Variants in ERG observed in about 807,000 individuals in gnomAD.
ERG encodes ETS transcription factor ERG, also known as transcriptional regulator ERG.
ERG carries 9 observed loss-of-function variants against 55.3 expected under a neutral mutation model. The observed-to-expected ratio is 0.16, with a 90% confidence interval of 0.10 to 0.28. The LOEUF (loss-of-function observed/expected upper bound fraction) is 0.28, where lower values mean the gene tolerates loss of function less well. ERG is among the 10% of genes least tolerant of loss of function. The pLI is 1.00. For synonymous variants in ERG, 223 were observed against 237.3 expected (o/e 0.94, Z 0.55); for missense variants, 434 against 631.6 (o/e 0.69, Z 3.35).
intron 2 of ERG, among the ~76,000 whole-genome samples, chr21:38,571,278 G>A (rs1219383180): frequency 2.6e-5 from 4 of 152,076 alleles, no homozygotes; most frequent in Non-Finnish European, 5.9e-5. Flanking sequence ...TTGGGAGGCT[G>A]AGGTGGGAGG....
At chr21:38,429,964 C>T (rs1046701770) in intron 2 of ERG, among the ~76,000 whole-genome samples, 2 of 152,138 alleles carry the variant, frequency 1.3e-5, no homozygotes, top group Non-Finnish European at 2.9e-5. Context: ...AGTGGTTGTA[C>T]TAGTTCCATA....
At chr21:38,459,804 T>C (rs1372116282) in intron 1 of ERG, among the ~76,000 whole-genome samples, 1 of 152,242 alleles carries the variant, frequency 6.6e-6, no homozygotes, top group African/African-American at 2.4e-5. Context: ...TGCTTCTAGA[T>C]TACATCCATG....
At chr21:38,487,147 G>GA (rs5843911) in intron 1 of ERG, among the ~76,000 whole-genome samples, 123,860 of 136,702 alleles carry the variant, frequency 0.91, 56,499 homozygotes, top group Non-Finnish European at 0.96. Flanking sequence ...CACTATCCTG[G>GA]AAAAAAAAAA....
chr21:38,437,937 C>A (rs187668834), intron 2 of ERG, among the ~76,000 whole-genome samples: 24 of 152,318 alleles, frequency 1.6e-4, no homozygotes, highest in African/African-American at 5.8e-4. Flanking sequence ...TGCCTCAAGT[C>A]CCCTAATGAT....
chr21:38,455,628 G>A (rs560247048), intron 1 of ERG, among the ~76,000 whole-genome samples: 9 of 152,016 alleles, frequency 5.9e-5, no homozygotes, highest in Non-Finnish European at 1.2e-4. Flanking sequence ...CATTGTTTTC[G>A]ATAAAATTCC....
At chr21:38,625,206 A>C (rs2146948926) in intron 1 of ERG, among the ~76,000 whole-genome samples, 1 of 152,260 alleles carries the variant, frequency 6.6e-6, no homozygotes, top group Non-Finnish European at 1.5e-5. Context: ...GTGCTGACTC[A>C]TTTCATCCTT....
intron 1 of ERG, among the ~76,000 whole-genome samples, chr21:38,624,064 T>C (rs1236366382): frequency 6.6e-6 from 1 of 152,204 alleles, no homozygotes; most frequent in East Asian, 1.9e-4. Flanking sequence ...CTTCAGGCTA[T>C]ATGTGAAGCC....
intron 1 of ERG, among the ~76,000 whole-genome samples, chr21:38,493,149 T>A (rs2059350683): frequency 6.6e-6 from 1 of 152,222 alleles, no homozygotes; most frequent in African/African-American, 2.4e-5. Flanking sequence ...CAATAATTCC[T>A]TTCTAGGCAC....
At chr21:38,480,591 C>CTTTTTTTTTTTTTTGTTTTTTTTT (rs2059229045) in intron 1 of ERG, among the ~76,000 whole-genome samples, 1 of 51,112 alleles carries the variant, frequency 2.0e-5, no homozygotes, top group Non-Finnish European at 3.4e-5. Flanking sequence ...ACTATATGGC[C>CTTTTTTTTTTTTTTGTTTTTTTTT]TTTTTTTTTT....
chr21:38,449,587 T>C (rs931009073), intron 1 of ERG, among the ~76,000 whole-genome samples: 4 of 152,108 alleles, frequency 2.6e-5, no homozygotes, highest in Non-Finnish European at 4.4e-5. Context: ...GGATCCAAAA[T>C]ACATTAGAAC....
chr21:38,657,084 C>T (rs1471402695), intron 1 of ERG, among the ~76,000 whole-genome samples: 2 of 151,802 alleles, frequency 1.3e-5, no homozygotes, highest in Non-Finnish European at 2.9e-5. Context: ...AGATTTGTCC[C>T]AGATCACATC....
intron 3 of ERG, among the ~76,000 whole-genome samples, chr21:38,420,031 G>GT (rs34463414): frequency 0.046 from 6,596 of 144,322 alleles, 336 homozygotes; most frequent in African/African-American, 0.12. Context: ...ATAACTGATG[G>GT]TTTTTTTTTT....
intron 1 of ERG, among the ~76,000 whole-genome samples, chr21:38,647,599 A>T (rs1297961273): frequency 6.6e-6 from 1 of 152,248 alleles, no homozygotes; most frequent in Non-Finnish European, 1.5e-5. Flanking sequence ...TGGTCATGAA[A>T]AAAAAGGTTG....
upstream of ERG, chr21:38,498,542 G>A: frequency 1.5e-6 from 2 of 1,370,636 alleles, no homozygotes; most frequent in Admixed American, 3.6e-5. The surrounding 1 kb of genome is among the most constrained non-coding windows in gnomAD (Gnocchi z 4.6). Flanking sequence ...ATTGGTCCTG[G>A]CTGTCCAGCC....
chr21:38,404,426 G>A (rs554993168), intron 3 of ERG, among the ~76,000 whole-genome samples: 36 of 152,290 alleles, frequency 2.4e-4, no homozygotes, highest in Non-Finnish European at 4.1e-4. Context: ...TGCAGGCCAC[G>A]TCGTCACACT....
At chr21:38,502,079 C>T (rs1457706901), upstream of ERG, among the ~76,000 whole-genome samples, 1 of 152,194 alleles carries the variant, frequency 6.6e-6, no homozygotes, top group Non-Finnish European at 1.5e-5. Flanking sequence ...CAATGTAATA[C>T]ATGCGCAGAG....
intron 1 of ERG, among the ~76,000 whole-genome samples, chr21:38,648,459 A>G (rs1258755366): frequency 6.6e-6 from 1 of 152,226 alleles, no homozygotes; most frequent in Non-Finnish European, 1.5e-5. Flanking sequence ...TGAAAGGGTA[A>G]TTTATGGAGC....
chr21:38,371,093 TG>T, the ERG span, among the ~76,000 whole-genome samples: 1 of 152,102 alleles, frequency 6.6e-6, no homozygotes, highest in East Asian at 1.9e-4. Flanking sequence ...TGTTTTTAAA[TG>T]AAGGTTTATT....
chr21:38,564,144 A>G (rs1324634414), intron 2 of ERG, among the ~76,000 whole-genome samples: 1 of 151,454 alleles, frequency 6.6e-6, no homozygotes, highest in Non-Finnish European at 1.5e-5. Flanking sequence ...AGAAATCCTG[A>G]TGAAGGAAAC....
Sources: gnomAD v4.1 joint callset for allele counts (sites outside exome capture counted in the v4.1 genomes callset) on GRCh38, gnomAD v4.1.1 for gene constraint, Gnocchi (gnomAD v3.1) non-coding constraint, MANE v1.5 for transcripts, NCBI Gene and HGNC (gene_info 2026-07-23, HGNC 2026-07-21) for gene names.